Variants in CABLES1 observed in about 807,000 individuals in gnomAD.
The protein encoded by CABLES1 is Cdk5 and Abl enzyme substrate 1, also known as CDK5 and ABL1 enzyme substrate 1.
Under a neutral mutation model 57.8 loss-of-function variants are expected in CABLES1, and 36 were observed. That is an observed-to-expected ratio of 0.62 (90% CI 0.48 to 0.82). The LOEUF (loss-of-function observed/expected upper bound fraction) is 0.82, where lower values mean the gene tolerates loss of function less well. Ranked by LOEUF, CABLES1 falls within the 40% of genes least tolerant of loss-of-function variation. The pLI is 0.00. For missense variants in CABLES1, 767 were observed against 836.6 expected, an observed-to-expected ratio of 0.92 and a Z score of 1.03; for synonymous variants, 374 against 363.0, an observed-to-expected ratio of 1.03 and a Z score of -0.35.
intron 1 of CABLES1, among the ~76,000 whole-genome samples, chr18:23,143,912 C>T (rs1176223451): frequency 6.6e-6 from 1 of 152,236 alleles, no homozygotes; most frequent in Non-Finnish European, 1.5e-5. Flanking sequence ...TCAGGCGAGG[C>T]AGCTGTTGGC....
intron 1 of CABLES1, among the ~76,000 whole-genome samples, chr18:23,154,413 C>A (rs550915347): frequency 3.3e-5 from 5 of 152,104 alleles, no homozygotes; most frequent in Non-Finnish European, 5.9e-5. Context: ...GATCATCTAC[C>A]GAGCCATAGG....
rs112674839 is a variant in CABLES1, at chr18:23,150,606, G to A, written c.845+13999G>A. Among the ~76,000 whole-genome samples the A allele has an allele frequency of 2.6e-3, 401 of 152,292 alleles. 5 individuals carry two copies. The highest frequency in any genetic ancestry group is 7.4e-3 in the African/African-American group (306 of 41,566). ...TGGGATATGGGGGAGCCCCGGAGGGGTGGGACCCCTGCCACCACAGACCTT... is the reference window on the plus strand; with the variant it reads ...TGGGATATGGGGGAGCCCCGGAGGGATGGGACCCCTGCCACCACAGACCTT... On this transcript the variant is annotated intron_variant, in intron 1 of 9. Transcript: ENST00000256925.
intron 3 of CABLES1, among the ~76,000 whole-genome samples, chr18:23,203,513 A>G (rs1461492398): frequency 6.6e-6 from 1 of 152,068 alleles, no homozygotes; most frequent in East Asian, 1.9e-4. Flanking sequence ...CTTTATCTGC[A>G]TTTTAAAGGA....
rs76841743 is a variant in CABLES1 at position 23,164,418 on chromosome 18, G to A, written c.846-24420G>A. ...CCATCAGCCCCCAGTGTAGGGCCACGTATAGGCACACCAGCCAGTGTGTTC... is the reference window on the plus strand; with the variant it reads ...CCATCAGCCCCCAGTGTAGGGCCACATATAGGCACACCAGCCAGTGTGTTC... On this transcript the variant is annotated intron_variant, in intron 1 of 9. Transcript: ENST00000256925. Among the ~76,000 whole-genome samples the A allele has an allele frequency of 2.9e-3, 448 of 151,912 alleles. 3 individuals are homozygous for A. Among genetic ancestry groups the A allele is most frequent in the African/African-American group, 0.01 (435 of 41,484 alleles).
intron 2 of CABLES1, chr18:23,189,240 G>A: frequency 3.5e-6 from 1 of 289,388 alleles, no homozygotes; most frequent in Non-Finnish European, 6.6e-6. Flanking sequence ...CAGTCACACA[G>A]TAGGTACAGT....
At chr18:23,195,930 G>A (rs961054431) in intron 3 of CABLES1, among the ~76,000 whole-genome samples, 3 of 151,996 alleles carry the variant, frequency 2.0e-5, no homozygotes, top group Admixed American at 6.6e-5. Context: ...CTCTTTAACC[G>A]TAACATAAAT....
Position 23,136,441 on chromosome 18 carries a change from T to G in CABLES1, c.679T>G (p.Ser227Ala). 6.2e-7 allele frequency: 1 copy of G among 1,603,696 alleles called. No individual in the cohort carries two copies. The highest frequency in any genetic ancestry group is 8.5e-7 in the Non-Finnish European group (1 of 1,176,632). The change falls in exon 1 of 10, where the codon TCC becomes GCC. Residue 227 changes from serine (S) to alanine (A), a missense_variant. Around this residue, in one of 4 missense-constraint regions of CABLES1, gnomAD observed 529 missense variants for 622.8 expected, o/e 0.85. Coordinates refer to ENST00000256925, the MANE Select transcript of CABLES1 (RefSeq NM_001100619.3). Reference protein sequence around the residue: ...VQVPAAAFLGSGTPGSGSGSR... With the variant: ...VQVPAAAFLGAGTPGSGSGSR... ...GGTGCCGGCGGCCGCCTTTTTGGGC[T>G]CCGGGACCCCCGGGAGTGGGAGCGG... is the stretch of plus-strand genomic sequence containing the variant.
intron 2 of CABLES1, 145 bp downstream of exon 2, chr18:23,189,054 T>C: frequency 6.6e-6 from 4 of 603,500 alleles, no homozygotes; most frequent in South Asian, 2.1e-5. Context: ...TCTCCTAGTG[T>C]CTAACCCACC....
In CABLES1 at chr18:23,136,483, A is replaced by G; in HGVS notation, c.721A>G (p.Asn241Asp). Residue 241 changes from asparagine to aspartate, a missense_variant, in exon 1 of 10, where the codon AAC becomes GAC. Physicochemically the swap from Asn to Asp is conservative, Grantham distance 23. Around this residue, in one of 4 missense-constraint regions of CABLES1, gnomAD observed 529 missense variants for 622.8 expected, o/e 0.85. Coordinates refer to ENST00000256925, the MANE Select transcript of CABLES1 (RefSeq NM_001100619.3). ...TGGGAGCGGCAGTCGGGGACGCCTC[A>G]ACTCGTTCACTCAGGGAATCCTGCC... ...GSGSGSRGRL[N>D]SFTQGILPIA... The G allele has an allele frequency of 6.2e-7, 1 of 1,603,054 alleles. No homozygotes were observed.
intron 1 of CABLES1, among the ~76,000 whole-genome samples, chr18:23,181,269 G>A (rs2047163795): frequency 6.6e-6 from 1 of 152,000 alleles, no homozygotes; most frequent in Admixed American, 6.5e-5. Flanking sequence ...CTCGGCGGGT[G>A]GATCACCTGA....
rs746951401 is a variant in CABLES1, at chr18:23,253,851, G to A, written c.1676G>A (p.Arg559Gln). 3.7e-6 allele frequency: 6 copies of A among 1,614,076 alleles called. No individual in the cohort carries two copies. The highest frequency in any genetic ancestry group is 5.1e-6 in the Non-Finnish European group (6 of 1,180,040). The change falls in exon 9 of 10, where the codon CGG (arginine) becomes CAG (glutamine). Residue 559 changes from arginine (R) to glutamine (Q), a missense_variant. Arg to Gln is a conservative substitution (Grantham distance 43). Transcript: ENST00000256925. The part of the protein sequence containing the change: ...ALKGKLNKQN[R>Q]KLCAGACVLL... The stretch of plus-strand genomic sequence containing the variant: ...AAGGGGAAACTCAACAAACAGAACC[G>A]GAAGCTGTGTGCTGGGGCATGTGTG...
At chr18:23,179,338 C>G (rs1008411250) in intron 1 of CABLES1, among the ~76,000 whole-genome samples, 3 of 152,126 alleles carry the variant, frequency 2.0e-5, no homozygotes, top group Non-Finnish European at 4.4e-5. Context: ...AAAATCTAAC[C>G]ATCCCTCCTT....
intron 1 of CABLES1, among the ~76,000 whole-genome samples, chr18:23,179,115 G>A (rs59294516): frequency 0.056 from 8,484 of 152,018 alleles, 631 homozygotes; most frequent in Admixed American, 0.21. Context: ...GTGAAACCCT[G>A]TCTCTACTAA....
chr18:23,258,970 A>G lies in CABLES1; in HGVS notation c.*1603A>G, dbSNP rs2145152157. ...TTGCTAACAAATTTCCTTGGCCAGA[A>G]TCAGTTGTAAGACAGTGATTTGGGT... On this transcript the variant is annotated 3_prime_UTR_variant, in exon 10 of 10. Coordinates refer to ENST00000256925, the MANE Select transcript of CABLES1 (RefSeq NM_001100619.3). 6.7e-6 allele frequency: 1 copy of G among 150,056 alleles called. No homozygotes were observed. The highest frequency in any genetic ancestry group is 1.5e-5 in the Non-Finnish European group (1 of 67,698). 9.3% of individuals were successfully genotyped at this position (150,056 alleles called of 1,614,324 possible).
chr18:23,150,518 G>A (rs904428886), intron 1 of CABLES1, among the ~76,000 whole-genome samples: 5 of 152,048 alleles, frequency 3.3e-5, no homozygotes, highest in Non-Finnish European at 5.9e-5. Flanking sequence ...GCCCAGCCAG[G>A]TCGTAGTAGT....
intron 7 of CABLES1, among the ~76,000 whole-genome samples, chr18:23,244,993 T>G (rs2047838589): frequency 6.6e-6 from 1 of 152,236 alleles, no homozygotes; most frequent in Admixed American, 6.5e-5. Flanking sequence ...GTTGTTTCTG[T>G]TGGAATCAGA....
At chr18:23,170,893 C>T (rs763785198) in intron 1 of CABLES1, among the ~76,000 whole-genome samples, 1 of 152,158 alleles carries the variant, frequency 6.6e-6, no homozygotes, top group Admixed American at 6.5e-5. Flanking sequence ...GCCTCCCAGG[C>T]TCCAGCGATT....
chr18:23,244,372 G>T (rs2047821969), intron 7 of CABLES1, among the ~76,000 whole-genome samples: 1 of 152,220 alleles, frequency 6.6e-6, no homozygotes, highest in African/African-American at 2.4e-5. Context: ...CATTTCAGTG[G>T]GAGGGAGAGT....
chr18:23,255,985 A>G (rs2048155404), intron 9 of CABLES1, among the ~76,000 whole-genome samples: 2 of 152,222 alleles, frequency 1.3e-5, no homozygotes, highest in South Asian at 4.1e-4. Flanking sequence ...AGGTGCCTCT[A>G]TCACCTGAAC....
Sources: allele counts gnomAD v4.1 joint callset (sites outside exome capture counted in the v4.1 genomes callset), GRCh38; gene constraint gnomAD v4.1.1; regional missense constraint gnomAD v4.1.1; transcripts MANE v1.5; gene names NCBI Gene and HGNC (gene_info 2026-07-23, HGNC 2026-07-21).